ECPAS: variants seen among roughly 807,000 people sequenced by gnomAD.
ECPAS encodes proteasome adapter and scaffold protein ECM29.
A neutral mutation model predicts 255.1 loss-of-function variants in ECPAS; 70 were observed. That is an observed-to-expected ratio of 0.27 (90% CI 0.23 to 0.33). The LOEUF (loss-of-function observed/expected upper bound fraction) is 0.33, where lower values mean the gene tolerates loss of function less well. ECPAS is among the 10% of genes least tolerant of loss of function. The pLI is 1.00. For synonymous variants in ECPAS, 784 were observed against 775.0 expected (o/e 1.01, Z -0.19); for missense variants, 1,817 against 2,206.4 (o/e 0.82, Z 3.54).
intron 2 of ECPAS, among the ~76,000 whole-genome samples, chr9:111,465,406 G>A (rs1371607454): frequency 6.6e-6 from 1 of 151,986 alleles, no homozygotes; most frequent in Non-Finnish European, 1.5e-5. Context: ...CAGGCATGGT[G>A]GCGGGCGCCT....
At chr9:111,473,359 T>C (rs1166788921) in intron 1 of ECPAS, among the ~76,000 whole-genome samples, 1 of 152,218 alleles carries the variant, frequency 6.6e-6, no homozygotes, top group Non-Finnish European at 1.5e-5. Context: ...AATTACATAA[T>C]AGTTTTATAA....
chr9:111,373,204 C>A lies in ECPAS; in HGVS notation c.4302G>T (p.Leu1434=). 2.5e-6 allele frequency: 4 copies of A among 1,613,744 alleles called. No homozygotes were observed. Among genetic ancestry groups the A allele is most frequent in the Non-Finnish European group, 3.4e-6 (4 of 1,179,746 alleles). Reference sequence around the variant, plus strand: ...CCATATACCACCCATTGAGCTTCTGCAGGAGTTTTTCAGTGCTGCTATCCC... The same window carrying A: ...CCATATACCACCCATTGAGCTTCTGAAGGAGTTTTTCAGTGCTGCTATCCC... ...TSRDSSTEKL[L]QKLNGWYMEK... The change falls in exon 41 of 50, where the codon CTG becomes CTT. Residue 1434 remains leucine, a synonymous_variant. Coordinates refer to ENST00000684092, the MANE Select transcript of ECPAS (RefSeq NM_001364929.1).
chr9:111,433,152 A>C, intron 8 of ECPAS, 81 bp downstream of exon 8: 2 of 1,486,648 alleles, frequency 1.3e-6, no homozygotes, highest in Non-Finnish European at 1.8e-6. Context: ...ATTACAAAAA[A>C]TCCTTAAACA....
intron 4 of ECPAS, among the ~76,000 whole-genome samples, chr9:111,442,786 T>G (rs1384772215): frequency 6.6e-6 from 1 of 152,164 alleles, no homozygotes; most frequent in East Asian, 1.9e-4. Flanking sequence ...CCTTACAAGC[T>G]AGGAGGAGAT....
chr9:111,410,708 T>G (rs1185784654), intron 22 of ECPAS, among the ~76,000 whole-genome samples: 2 of 152,002 alleles, frequency 1.3e-5, no homozygotes, highest in African/African-American at 4.8e-5. Flanking sequence ...TTGTAGAGGC[T>G]AGGTCTCACT....
chr9:111,363,367 T>C (rs1589102883), intron 49 of ECPAS, among the ~76,000 whole-genome samples: 1 of 152,276 alleles, frequency 6.6e-6, no homozygotes, highest in Non-Finnish European at 1.5e-5. Flanking sequence ...AAGACAACTA[T>C]AGCTTAATAA....
intron 28 of ECPAS, 33 bp from the exon 29 acceptor site, chr9:111,391,857 A>G (rs1222322376): frequency 1.1e-5 from 15 of 1,372,000 alleles, no homozygotes; most frequent in Non-Finnish European, 1.3e-5. Context: ...ATAAGCTTCA[A>G]GCTTTTCATA....
At chr9:111,363,160 G>A (rs1564490636) in intron 49 of ECPAS, among the ~76,000 whole-genome samples, 1 of 150,364 alleles carries the variant, frequency 6.7e-6, no homozygotes, top group Non-Finnish European at 1.5e-5. Context: ...GGTTAGGGGA[G>A]AAGAAATAGG....
At chr9:111,453,915 G>A (rs537315681) in intron 2 of ECPAS, among the ~76,000 whole-genome samples, 71 of 152,108 alleles carry the variant, frequency 4.7e-4, no homozygotes, top group Non-Finnish European at 9.0e-4. Flanking sequence ...CCTTGCACAG[G>A]ATCCTGGGGG....
intron 11 of ECPAS, 55 bp from the exon 12 acceptor site, chr9:111,425,551 C>G: frequency 8.0e-7 from 1 of 1,248,752 alleles, no homozygotes; most frequent in East Asian, 2.5e-5. Context: ...GACTACATAT[C>G]TTTACGGATG....
chr9:111,464,589 G>A (rs530913865), intron 2 of ECPAS, among the ~76,000 whole-genome samples: 6 of 152,170 alleles, frequency 3.9e-5, no homozygotes, highest in Middle Eastern at 3.4e-3. Flanking sequence ...GTCACACAAC[G>A]ATGGAAATAA....
intron 48 of ECPAS, 49 bp from the exon 49 acceptor site, chr9:111,363,708 C>A: frequency 1.2e-6 from 1 of 848,828 alleles, no homozygotes; most frequent in East Asian, 2.8e-5. Context: ...AAAAACACAA[C>A]CTCCAAGATT....
At chr9:111,451,986 C>T (rs920246681) in intron 2 of ECPAS, among the ~76,000 whole-genome samples, 1 of 152,100 alleles carries the variant, frequency 6.6e-6, no homozygotes, top group Non-Finnish European at 1.5e-5. Context: ...GGATCACTGC[C>T]CATTACTGTA....
intron 8 of ECPAS, among the ~76,000 whole-genome samples, 168 bp downstream of exon 8, chr9:111,433,065 T>C (rs557254974): frequency 6.6e-6 from 1 of 152,368 alleles, no homozygotes; most frequent in South Asian, 2.1e-4. Flanking sequence ...TTCTCTGTCT[T>C]ACACAGAATT....
intron 20 of ECPAS, among the ~76,000 whole-genome samples, chr9:111,413,208 T>A (rs1455077438): frequency 6.6e-6 from 1 of 152,112 alleles, no homozygotes; most frequent in Non-Finnish European, 1.5e-5. Flanking sequence ...ACTTCCTCAA[T>A]ATGCAAGATG....
intron 2 of ECPAS, among the ~76,000 whole-genome samples, chr9:111,470,868 A>G (rs2098287060): frequency 6.6e-6 from 1 of 151,824 alleles, no homozygotes; most frequent in Admixed American, 6.6e-5. Flanking sequence ...TTTAATGAGT[A>G]AGTGCTAGAC....
intron 2 of ECPAS, among the ~76,000 whole-genome samples, chr9:111,469,034 G>A (rs9299198): frequency 6.6e-6 from 1 of 151,998 alleles, no homozygotes; most frequent in South Asian, 2.1e-4. Context: ...CAAAAGCCAC[G>A]CTAATACTTG....
chr9:111,373,931 G>A (rs1047052996), intron 39 of ECPAS, 41 bp downstream of exon 39: 1 of 1,443,746 alleles, frequency 6.9e-7, no homozygotes, highest in Non-Finnish European at 9.8e-7. Flanking sequence ...ACAAGACAGG[G>A]CTGTGCAAAA....
intron 1 of ECPAS, among the ~76,000 whole-genome samples, chr9:111,479,936 G>A (rs1029607898): frequency 1.3e-5 from 2 of 148,226 alleles, no homozygotes; most frequent in Admixed American, 6.8e-5. Flanking sequence ...CCGAGATCGC[G>A]CGCCACTGCA....
Sources: allele counts gnomAD v4.1 joint callset (sites outside exome capture counted in the v4.1 genomes callset), GRCh38; gene constraint gnomAD v4.1.1; transcripts MANE v1.5; gene names NCBI Gene and HGNC (gene_info 2026-07-23, HGNC 2026-07-21).